Variants in GPHN observed in about 807,000 individuals in gnomAD.
GPHN encodes the protein gephyrin.
Under a neutral mutation model 95.5 loss-of-function variants are expected in GPHN, and 17 were observed. The observed-to-expected ratio is 0.18, with a 90% CI of 0.12 to 0.27. The LOEUF is 0.27. Among genes scored for constraint, GPHN ranks in the 10% least tolerant of loss-of-function variants. The pLI, the probability that GPHN is intolerant of heterozygous loss-of-function variation, is 1.00. For synonymous variants in GPHN, 320 were observed against 322.5 expected (o/e 0.99, Z 0.08); for missense variants, 660 against 978.1 (o/e 0.67, Z 4.34).
intron 3 of GPHN, among the ~76,000 whole-genome samples, chr14:66,777,540 A>G (rs1430168566): frequency 6.6e-6 from 1 of 152,292 alleles, no homozygotes; most frequent in East Asian, 1.9e-4. Flanking sequence ...TTTTAGACCA[A>G]TATCCTTGAT....
the GPHN span, among the ~76,000 whole-genome samples, chr14:67,479,993 G>A: frequency 1.3e-5 from 2 of 152,152 alleles, no homozygotes; most frequent in African/African-American, 4.8e-5. Context: ...GAGACCTAAT[G>A]GACGCTGCCC....
At chr14:67,008,986 AT>A (rs1326803034) in intron 9 of GPHN, among the ~76,000 whole-genome samples, 18 of 152,202 alleles carry the variant, frequency 1.2e-4, no homozygotes, top group Non-Finnish European at 5.9e-5. Flanking sequence ...AGAGAAAAAA[AT>A]TGCAAACAGA....
intron 11 of GPHN, among the ~76,000 whole-genome samples, chr14:67,072,491 C>T (rs1448008689): frequency 6.6e-6 from 1 of 151,928 alleles, no homozygotes; most frequent in Non-Finnish European, 1.5e-5. Flanking sequence ...TTTGCAACTC[C>T]TAGGAGACCA....
At chr14:67,297,778 A>T in the GPHN span, among the ~76,000 whole-genome samples, 1 of 152,156 alleles carries the variant, frequency 6.6e-6, no homozygotes, top group African/African-American at 2.4e-5. Context: ...CTTTCATTGA[A>T]TTCATTAAAT....
the GPHN span, among the ~76,000 whole-genome samples, chr14:67,606,496 A>G: frequency 6.6e-6 from 1 of 152,250 alleles, no homozygotes; most frequent in Non-Finnish European, 1.5e-5. Flanking sequence ...AATAGATTCA[A>G]TTAGACCATA....
intron 1 of GPHN, among the ~76,000 whole-genome samples, chr14:66,553,901 A>G (rs2059915895): frequency 6.6e-6 from 1 of 152,102 alleles, no homozygotes; most frequent in African/African-American, 2.4e-5. Context: ...TAAGCTCTGG[A>G]ATTTTCATTT....
At position 66,890,977 on chromosome 14, in the gene GPHN, T is replaced by C. The variant is rs113035235; in HGVS notation, c.389+10944T>C. On this transcript the variant is annotated intron_variant, in intron 5 of 22. Transcript: ENST00000478722. ...TAAAAAACCCACAGCTCACATCATA[T>C]TCAGCGGTGAAAGACTGAAAGCTTT... 3.1e-3 allele frequency among the ~76,000 whole-genome samples: 471 copies of C among 152,238 alleles called. 11 individuals carry two copies. The highest frequency in any genetic ancestry group is 0.011 in the African/African-American group (446 of 41,560).
At chr14:67,333,764 T>C in the GPHN span, 6 of 152,614 alleles carry the variant, frequency 3.9e-5, no homozygotes, top group Non-Finnish European at 8.8e-5. Flanking sequence ...TATAATAGAA[T>C]GTATGTTACA....
chr14:67,175,909 G>C (rs2082914125), intron 21 of GPHN, among the ~76,000 whole-genome samples: 1 of 152,180 alleles, frequency 6.6e-6, no homozygotes, highest in Non-Finnish European at 1.5e-5. Context: ...GAATGCTTGT[G>C]ATTTTTGCAC....
chr14:66,839,466 T>C (rs1342789797), intron 4 of GPHN, among the ~76,000 whole-genome samples: 1 of 152,194 alleles, frequency 6.6e-6, no homozygotes, highest in Non-Finnish European at 1.5e-5. Context: ...TAAACCTTTA[T>C]GGAAAGAAAA....
chr14:67,245,347 G>A, the GPHN span, among the ~76,000 whole-genome samples: 152,269 of 152,278 alleles, frequency 1, 76,130 homozygotes, highest in Non-Finnish European at 1. Context: ...AGCCATTTTA[G>A]TAGTATCTCG....
chr14:67,733,240 T>C, the GPHN span, among the ~76,000 whole-genome samples: 1 of 152,174 alleles, frequency 6.6e-6, no homozygotes, highest in Non-Finnish European at 1.5e-5. Flanking sequence ...GAGGGCTTGG[T>C]CTGGGGTTCA....
chr14:67,147,818 T>C (rs2080988291), intron 18 of GPHN, among the ~76,000 whole-genome samples: 2 of 152,330 alleles, frequency 1.3e-5, no homozygotes, highest in Non-Finnish European at 2.9e-5. Context: ...ACAGTTTACC[T>C]ATAAGAACCT....
chr14:66,874,817 A>C (rs1246632870), intron 4 of GPHN, among the ~76,000 whole-genome samples: 1 of 152,214 alleles, frequency 6.6e-6, no homozygotes, highest in Non-Finnish European at 1.5e-5. Context: ...GAACAGAACC[A>C]AGTTGGAAAA....
chr14:67,646,692 G>A, the GPHN span: 38 of 1,613,718 alleles, frequency 2.4e-5, no homozygotes, highest in Admixed American at 4.2e-4. Context: ...TATCTCTTCT[G>A]CAAGTATTGT....
At chr14:66,718,025 G>A (rs1039622041) in intron 2 of GPHN, among the ~76,000 whole-genome samples, 1 of 152,186 alleles carries the variant, frequency 6.6e-6, no homozygotes, top group Non-Finnish European at 1.5e-5. Context: ...ATCAGCTGTG[G>A]TAGTATGGGG....
chr14:66,971,102 G>A (rs761302573), intron 9 of GPHN, among the ~76,000 whole-genome samples: 4 of 152,214 alleles, frequency 2.6e-5, no homozygotes, highest in African/African-American at 4.8e-5. Context: ...GCCAAGGCAG[G>A]TGGATCATCT....
intron 2 of GPHN, among the ~76,000 whole-genome samples, chr14:66,695,909 C>G (rs2068073554): frequency 2.6e-5 from 4 of 152,172 alleles, no homozygotes; most frequent in African/African-American, 4.8e-5. Flanking sequence ...TAAAACTACT[C>G]TGAATGATAC....
chr14:67,343,325 G>A, the GPHN span: 3 of 1,418,924 alleles, frequency 2.1e-6, no homozygotes, highest in Non-Finnish European at 3.0e-6. Flanking sequence ...ACGACAAGTG[G>A]AGGGTATGGA....
Sources: allele counts gnomAD v4.1 joint callset (sites outside exome capture counted in the v4.1 genomes callset), GRCh38; gene constraint gnomAD v4.1.1; transcripts MANE v1.5; gene names NCBI Gene and HGNC (gene_info 2026-07-23, HGNC 2026-07-21).